ANKRD17: variants seen among roughly 807,000 people sequenced by gnomAD.
ANKRD17 encodes ankyrin repeat domain-containing protein 17.
ANKRD17 carries 19 observed loss-of-function variants against 229.7 expected under a neutral mutation model. That is an observed-to-expected ratio of 0.08 (90% CI 0.06 to 0.12). ANKRD17 has a LOEUF of 0.12. ANKRD17 is among the 10% of genes least tolerant of loss of function. The pLI is 1.00. For missense variants in ANKRD17, 2,176 were observed against 3,176.8 expected, an observed-to-expected ratio of 0.68 and a Z score of 7.57; for synonymous variants, 1,112 against 1,146.1, an observed-to-expected ratio of 0.97 and a Z score of 0.60.
chr4:73,145,995 T>C (rs1435821865), intron 10 of ANKRD17, among the ~76,000 whole-genome samples: 44 of 152,142 alleles, frequency 2.9e-4, no homozygotes, highest in Non-Finnish European at 4.4e-5. Context: ...GCCATAAATA[T>C]ATGGGTGCTT....
chr4:73,107,545 A>G (rs1724794251), intron 24 of ANKRD17, among the ~76,000 whole-genome samples: 1 of 152,216 alleles, frequency 6.6e-6, no homozygotes, highest in South Asian at 2.1e-4. Context: ...GCGAGATGAA[A>G]AATGTGTGTA....
intron 1 of ANKRD17, among the ~76,000 whole-genome samples, chr4:73,181,313 G>C (rs185490142): frequency 6.6e-6 from 1 of 152,166 alleles, no homozygotes; most frequent in African/African-American, 2.4e-5. Flanking sequence ...GCCTTGCTAT[G>C]TAGGACCCTA....
At chr4:73,213,006 G>A (rs776941232) in intron 1 of ANKRD17, among the ~76,000 whole-genome samples, 16 of 131,286 alleles carry the variant, frequency 1.2e-4, no homozygotes, top group Admixed American at 2.5e-4. Context: ...CAGCTTGGGA[G>A]ACAAAGCAAG....
In ANKRD17 at chr4:73,073,685, A is replaced by C. The variant is rs1268822596; in HGVS notation, c.*2546T>G. On this transcript the variant is annotated 3_prime_UTR_variant, in exon 34 of 34. Transcript: ENST00000358602. ...TGACTTGACTTTTCAGTAATGGGAA[A>C]TAGGAGGGGAAATTTCTTCTTTATA... The C allele has an allele frequency of 1.3e-5, 2 of 152,066 alleles. No homozygotes were observed. The highest frequency in any genetic ancestry group is 4.8e-5 in the African/African-American group (2 of 41,472). 9.4% of individuals were successfully genotyped at this position (152,066 alleles called of 1,614,324 possible).
chr4:73,160,864 A>T lies in ANKRD17; in HGVS notation c.704+328T>A, dbSNP rs368550212. Among the ~76,000 whole-genome samples the T allele has an allele frequency of 3.8e-4, 58 of 152,274 alleles. 1 individual carries two copies. The South Asian group carries it at 3.9e-3, about 10-fold the overall frequency. On this transcript the variant is annotated intron_variant, in intron 3 of 33. Transcript: ENST00000358602. ...ACTTCTTTGTCACCAATACATTTTT[A>T]AAAAAAATCTAAATAAGCAAAAAGT...
Position 73,076,177 on chromosome 4 carries a change from C to T in ANKRD17, c.*54G>A. ...GGAGCATAATTTTTTTTTTCGGCCACTTGTGATTTCCTCCAAATGAAAAGG... is the reference window on the plus strand; with the variant it reads ...GGAGCATAATTTTTTTTTTCGGCCATTTGTGATTTCCTCCAAATGAAAAGG... On this transcript the variant is annotated 3_prime_UTR_variant, in exon 34 of 34. Transcript: ENST00000358602. 1.3e-6 allele frequency: 2 copies of T among 1,544,048 alleles called. No homozygotes were observed. The highest frequency in any genetic ancestry group is 2.8e-5 in the African/African-American group (2 of 71,542).
chr4:73,205,307 G>A (rs929895751), intron 1 of ANKRD17, among the ~76,000 whole-genome samples: 1 of 151,938 alleles, frequency 6.6e-6, no homozygotes, highest in Non-Finnish European at 1.5e-5. Context: ...GACAGAGTAA[G>A]ACCATTTCTA....
intron 1 of ANKRD17, among the ~76,000 whole-genome samples, chr4:73,214,820 G>A (rs1271776164): frequency 7.0e-6 from 1 of 142,136 alleles, no homozygotes; most frequent in Non-Finnish European, 1.5e-5. Flanking sequence ...GACCAACCTG[G>A]CCAACAGAGT....
chr4:73,198,340 C>T (rs114278828), intron 1 of ANKRD17, among the ~76,000 whole-genome samples: 2,913 of 152,072 alleles, frequency 0.019, 95 homozygotes, highest in African/African-American at 0.066. Context: ...AGTTTCTCAA[C>T]GAAAATGAAA....
intron 1 of ANKRD17, among the ~76,000 whole-genome samples, chr4:73,178,478 A>G (rs1464848271): frequency 6.6e-6 from 1 of 151,946 alleles, no homozygotes; most frequent in Non-Finnish European, 1.5e-5. Context: ...ACTAGCATTT[A>G]ATTTTTTTTT....
chr4:73,138,512 TA>T (rs1056496227), intron 15 of ANKRD17, among the ~76,000 whole-genome samples: 37 of 151,144 alleles, frequency 2.4e-4, no homozygotes, highest in Admixed American at 6.6e-4. Context: ...AGATGAAACT[TA>T]AAAAAAAATA....
At chr4:73,145,905 G>T (rs1177253503) in intron 10 of ANKRD17, among the ~76,000 whole-genome samples, 1 of 152,070 alleles carries the variant, frequency 6.6e-6, no homozygotes, top group Non-Finnish European at 1.5e-5. Context: ...CTGAAGGGGG[G>T]CTTGTTGCTG....
chr4:73,207,471 G>A (rs979005461), intron 1 of ANKRD17, among the ~76,000 whole-genome samples: 2 of 152,004 alleles, frequency 1.3e-5, no homozygotes, highest in African/African-American at 4.8e-5. Flanking sequence ...CTAATTAAAG[G>A]GCAGATATTG....
intron 1 of ANKRD17, among the ~76,000 whole-genome samples, chr4:73,257,409 C>G (rs527504004): frequency 1.8e-4 from 28 of 152,246 alleles, no homozygotes; most frequent in African/African-American, 6.5e-4. Context: ...TAGGACAAAC[C>G]GAGAGGCCTT....
chr4:73,236,226 TG>T (rs1743499937), intron 1 of ANKRD17, among the ~76,000 whole-genome samples: 1 of 152,104 alleles, frequency 6.6e-6, no homozygotes, highest in Non-Finnish European at 1.5e-5. Context: ...GTTCCATCAT[TG>T]CCACTGTAAC....
At chr4:73,202,904 C>T (rs1738866771) in intron 1 of ANKRD17, among the ~76,000 whole-genome samples, 1 of 152,066 alleles carries the variant, frequency 6.6e-6, no homozygotes, top group Admixed American at 6.6e-5. Flanking sequence ...TTTGCAAGTG[C>T]TCAATGATTT....
At chr4:73,175,357 ACCT>A (rs1734594072) in intron 2 of ANKRD17, among the ~76,000 whole-genome samples, 1 of 151,846 alleles carries the variant, frequency 6.6e-6, no homozygotes, top group Non-Finnish European at 1.5e-5. Flanking sequence ...TGATCCAATC[ACCT>A]CCCACTGGGC....
chr4:73,192,555 C>A (rs1737276891), intron 1 of ANKRD17, among the ~76,000 whole-genome samples: 1 of 151,664 alleles, frequency 6.6e-6, no homozygotes, highest in Non-Finnish European at 1.5e-5. Context: ...TATTGCTTAC[C>A]TTAAAAAAAA....
rs751549226 is a variant in ANKRD17 at position 73,118,880 on chromosome 4, CTTTTTTTTTTTT to C, written c.4026-42_4026-31del. 5.6e-5 allele frequency: 45 copies of C among 804,702 alleles called. 1 individual carries two copies. In the Middle Eastern group the frequency reaches 3.4e-3, roughly 61 times the overall value. The allele number at this position is 804,702 out of a possible 1,614,324, so 49.8% of individuals were successfully genotyped here. On this transcript the variant is annotated intron_variant, in intron 21 of 33. Transcript: ENST00000358602. ...AAACCAATGACACAGATAGCATTGT[CTTTTTTTTTTTT>C]TTTTTTTTTTTTGATACAGGGTCTT...
Sources: gnomAD v4.1 joint callset for allele counts (sites outside exome capture counted in the v4.1 genomes callset) on GRCh38, gnomAD v4.1.1 for gene constraint, MANE v1.5 for transcripts, NCBI Gene and HGNC (gene_info 2026-07-23, HGNC 2026-07-21) for gene names.